ABCG4: variants seen among roughly 807,000 people sequenced by gnomAD.
ABCG4 encodes ATP binding cassette subfamily G member 4.
Under a neutral mutation model 64.6 loss-of-function variants are expected in ABCG4, and 35 were observed. The ratio of observed to expected loss-of-function variants is 0.54; its 90% CI spans 0.41 to 0.72. ABCG4 has a LOEUF of 0.72. Among genes scored for constraint, ABCG4 ranks in the 30% least tolerant of loss-of-function variants. The pLI is 0.00. For missense variants in ABCG4, 610 were observed against 846.3 expected, an observed-to-expected ratio of 0.72 and a Z score of 3.46; for synonymous variants, 326 against 348.2, an observed-to-expected ratio of 0.94 and a Z score of 0.71.
In ABCG4 at chr11:119,161,333, C is replaced by T. The variant is rs566503675; in HGVS notation, c.*227C>T. 2.4e-4 allele frequency: 126 copies of T among 525,098 alleles called. No individual in the cohort carries two copies. Among genetic ancestry groups the T allele is most frequent in the Non-Finnish European group, 3.1e-4 (90 of 292,360 alleles). The allele number at this position is 525,098 out of a possible 1,614,324, so 32.5% of individuals were successfully genotyped here. On this transcript the variant is annotated 3_prime_UTR_variant, in exon 15 of 15. Transcript: ENST00000619701. ...GCCCAGGAGTCTTCCCAAGTTGATG[C>T]GGTTTGTAGCTTCCTCCCTACTCTC... is the stretch of plus-strand genomic sequence containing the variant.
At position 119,154,583 on chromosome 11, in the gene ABCG4, G is replaced by A. The variant is rs376876815; in HGVS notation, c.540+8G>A. On this transcript the variant is annotated splice_region_variant and intron_variant, in intron 5 of 14. Coordinates refer to ENST00000619701, the MANE Select transcript of ABCG4 (RefSeq NM_022169.5). This position sits in a 1 kb window ranked among gnomAD's most constrained non-coding sequence, Gnocchi z 7.0. The stretch of plus-strand genomic sequence containing the variant: ...GAGGTGAAGAAGGAGCTGGTGAGTG[G>A]GGAAGGGAGGCAGTGGGACCACTCC... 2.3e-4 allele frequency: 367 copies of A among 1,612,548 alleles called. No homozygotes were observed. In the African/African-American group the frequency reaches 2.7e-3, roughly 12 times the overall value.
rs764939696 is a variant in ABCG4, at chr11:119,158,020, A to G, written c.1069-214A>G. Among the ~76,000 whole-genome samples, 11 of 152,162 alleles carry G rather than the reference A, an allele frequency of 7.2e-5. No individual in the cohort carries two copies. Among genetic ancestry groups the G allele is most frequent in the Non-Finnish European group, 1.3e-4 (9 of 68,040 alleles). ...ACTTTCTTTCCATCTCCTCCCTCCCAAGTTTTTGCCCCCTTTTTGTGTCTG... is the reference window on the plus strand; with the variant it reads ...ACTTTCTTTCCATCTCCTCCCTCCCGAGTTTTTGCCCCCTTTTTGTGTCTG... On this transcript the variant is annotated intron_variant, in intron 9 of 14. Transcript: ENST00000619701. This position sits in a 1 kb window ranked among gnomAD's most constrained non-coding sequence, Gnocchi z 4.5.
rs772545844 is a variant in ABCG4 at position 119,160,221 on chromosome 11, C to T, written c.1438-6C>T. The T allele has an allele frequency of 6.2e-7, 1 of 1,605,964 alleles. No homozygotes were observed. Among genetic ancestry groups the T allele is most frequent in the East Asian group, 2.2e-5 (1 of 44,612 alleles). ...GTCCACTGTCCAGCCCGTGCCCACT[C>T]CCCAGGTGGTGTGTCCGGTGGTCTA... On this transcript the variant is annotated splice_polypyrimidine_tract_variant and splice_region_variant and intron_variant, in intron 12 of 14. Coordinates refer to ENST00000619701, the MANE Select transcript of ABCG4 (RefSeq NM_022169.5). The surrounding 1 kb of genome is among the most constrained non-coding windows in gnomAD (Gnocchi z 4.6).
rs963126130 is a variant in ABCG4 at position 119,149,881 on chromosome 11, G to A, written c.-12-73G>A. ...GAGGTGGGCAGTGGGGGCGGGGGAA[G>A]CATTAGAACGCCAGGGAGCTTTGAG... On this transcript the variant is annotated intron_variant, in intron 1 of 14. Coordinates refer to ENST00000619701, the MANE Select transcript of ABCG4 (RefSeq NM_022169.5). This position sits in a 1 kb window ranked among gnomAD's most constrained non-coding sequence, Gnocchi z 8.3. 1 of 1,515,496 alleles carries A rather than the reference G, an allele frequency of 6.6e-7. No individual in the cohort carries two copies. The highest frequency in any genetic ancestry group is 1.2e-5 in the South Asian group (1 of 80,310). 93.9% of individuals were successfully genotyped at this position (1,515,496 alleles called of 1,614,324 possible).
At chr11:119,153,123 G>A (rs1948213694) in intron 2 of ABCG4, 1 of 152,404 alleles carries the variant, frequency 6.6e-6, no homozygotes, top group South Asian at 2.1e-4. Context: ...CAAGCACTGT[G>A]TCATGTGTTT....
Position 119,154,953 on chromosome 11 carries a change from T to G in ABCG4, c.686+38T>G, listed in dbSNP as rs761161684. ...ACCCTTTCCCACCAGGATACCCCTC[T>G]CCTCTCGGCCCTGAGCCAGGGCTGG... On this transcript the variant is annotated intron_variant, in intron 6 of 14. Coordinates refer to ENST00000619701, the MANE Select transcript of ABCG4 (RefSeq NM_022169.5). This position sits in a 1 kb window ranked among gnomAD's most constrained non-coding sequence, Gnocchi z 7.0. The G allele has an allele frequency of 6.4e-5, 101 of 1,579,562 alleles. No individual in the cohort carries two copies. The highest frequency in any genetic ancestry group is 5.7e-5 in the Non-Finnish European group (66 of 1,156,418).
In ABCG4 at chr11:119,161,080, C is replaced by T. The variant is rs779702795; in HGVS notation, c.1915C>T (p.Arg639Cys). ...ALRLLAYLVL[R>C]YRVKSER Reference sequence around the variant, plus strand: ...GCGGCTGCTGGCCTACCTTGTGCTGCGTTACCGGGTCAAGTCAGAGAGATA... The same window carrying T: ...GCGGCTGCTGGCCTACCTTGTGCTGTGTTACCGGGTCAAGTCAGAGAGATA... Residue 639 changes from arginine (R) to cysteine (C), a missense_variant, in exon 15 of 15, where the codon CGT (arginine) becomes TGT (cysteine). Coordinates refer to ENST00000619701, the MANE Select transcript of ABCG4 (RefSeq NM_022169.5). 1.1e-5 allele frequency: 18 copies of T among 1,613,646 alleles called. No homozygotes were observed. Among genetic ancestry groups the T allele is most frequent in the Admixed American group, 6.7e-5 (4 of 59,982 alleles).
At chr11:119,162,664 A>G (rs1948370276), downstream of ABCG4, 1 of 152,266 alleles carries the variant, frequency 6.6e-6, no homozygotes, top group Non-Finnish European at 1.5e-5. Flanking sequence ...TGCAATGTGT[A>G]AATGTGTGTG....
rs1161114369 is a variant in ABCG4 at position 119,156,469 on chromosome 11, C to T, written c.810+17C>T. 1 of 1,614,032 alleles carries T rather than the reference C, an allele frequency of 6.2e-7. No homozygotes were observed. The highest frequency in any genetic ancestry group is 1.3e-5 in the African/African-American group (1 of 74,918). On this transcript the variant is annotated intron_variant, in intron 7 of 14. Transcript: ENST00000619701. This position sits in a 1 kb window ranked among gnomAD's most constrained non-coding sequence, Gnocchi z 5.5. ...TTTGACAAGGTGAGTGTCTCCAGGC[C>T]TCAAGGAGGATTGGCCTGAGATGGA... is the stretch of plus-strand genomic sequence containing the variant.
At position 119,158,800 on chromosome 11, in the gene ABCG4, G is replaced by A. The variant is rs371789384; in HGVS notation, c.1337-29G>A. 107 of 1,614,088 alleles carry A rather than the reference G, an allele frequency of 6.6e-5. No homozygotes were observed. The highest frequency in any genetic ancestry group is 1.7e-4 in the Middle Eastern group (1 of 6,060). ...TGGGGCAGGGGCCAGGGTGTCGGCC[G>A]GGTGTGCCTAAGCAGCCTGTGTCCT... On this transcript the variant is annotated intron_variant, in intron 11 of 14. Transcript: ENST00000619701. This position sits in a 1 kb window ranked among gnomAD's most constrained non-coding sequence, Gnocchi z 4.5.
rs751328446 is a variant in ABCG4, at chr11:119,154,779, A to C, written c.550A>C (p.Ile184Leu). ...QEVKKELVTE[I>L]LTALGLMSCS... Reference sequence around the variant, plus strand: ...GGTGGGGTGGGGCCAGGTGACAGAGATCCTGACGGCACTGGGCCTGATGTC... The same window carrying C: ...GGTGGGGTGGGGCCAGGTGACAGAGCTCCTGACGGCACTGGGCCTGATGTC... The change falls in exon 6 of 15, where the codon ATC becomes CTC. Residue 184 changes from isoleucine (I) to leucine (L), a missense_variant. By Grantham distance (5) the Ile-to-Leu change is conservative (BLOSUM62 2). Transcript: ENST00000619701. The surrounding 1 kb of genome is among the most constrained non-coding windows in gnomAD (Gnocchi z 7.0). The C allele has an allele frequency of 6.2e-7, 1 of 1,610,768 alleles. No individual in the cohort carries two copies. The highest frequency in any genetic ancestry group is 1.1e-5 in the South Asian group (1 of 90,962).
chr11:119,160,429 C>A lies in ABCG4; in HGVS notation c.1596+44C>A, dbSNP rs958811577. 3 of 1,604,418 alleles carry A rather than the reference C, an allele frequency of 1.9e-6. No homozygotes were observed. Among genetic ancestry groups the A allele is most frequent in the Non-Finnish European group, 2.6e-6 (3 of 1,173,136 alleles). On this transcript the variant is annotated intron_variant, in intron 13 of 14. Transcript: ENST00000619701. The surrounding 1 kb of genome is among the most constrained non-coding windows in gnomAD (Gnocchi z 4.6). ...GGGAATTCCCAAGGCGGGATGAGGT[C>A]TTGTGGGAGGAAGCAGGGCCTGGTG...
rs1009882453 is a variant in ABCG4 at position 119,150,904 on chromosome 11, C to T, written c.238+701C>T. ...CTGACTAGCCCCTGCAGCCCCTACC[C>T]TGAGCAGCTTTAGCTGCTAGTAGGG... On this transcript the variant is annotated intron_variant, in intron 2 of 14. Transcript: ENST00000619701. The surrounding 1 kb of genome is among the most constrained non-coding windows in gnomAD (Gnocchi z 4.3). Among the ~76,000 whole-genome samples the T allele has an allele frequency of 1.3e-5, 2 of 152,270 alleles. No homozygotes were observed. The highest frequency in any genetic ancestry group is 4.8e-5 in the African/African-American group (2 of 41,474).
At position 119,160,271 on chromosome 11, in the gene ABCG4, G is replaced by C; in HGVS notation, c.1482G>C (p.Thr494=). The C allele has an allele frequency of 1.9e-6, 3 of 1,613,618 alleles. No homozygotes were observed. In the African/African-American group the frequency reaches 4.0e-5, roughly 22 times the overall value. ...ACTGCAGCATTGTGTACTGGATGAC[G>C]GGCCAGCCCGCTGAGACCAGCCGCT... The part of the protein sequence containing the change: ...VVYCSIVYWM[T]GQPAETSRFL... Residue 494 remains threonine (T), a synonymous_variant, in exon 13 of 15, where the codon ACG becomes ACC. Coordinates refer to ENST00000619701, the MANE Select transcript of ABCG4 (RefSeq NM_022169.5). The surrounding 1 kb of genome is among the most constrained non-coding windows in gnomAD (Gnocchi z 4.6).
chr11:119,149,681 C>T lies in ABCG4; in HGVS notation c.-12-273C>T, dbSNP rs1024950114. On this transcript the variant is annotated intron_variant, in intron 1 of 14. Transcript: ENST00000619701. This position sits in a 1 kb window ranked among gnomAD's most constrained non-coding sequence, Gnocchi z 8.3. ...TCCTTCAGTCCCCAGGGGCTGCTGG[C>T]CTGCGGGGTAAGGAGATTAGAGAAG... 1.0e-5 allele frequency: 5 copies of T among 501,068 alleles called. No individual in the cohort carries two copies. The highest frequency in any genetic ancestry group is 3.3e-5 in the Admixed American group (1 of 30,524). The allele number at this position is 501,068 out of a possible 1,614,324, so 31.0% of individuals were successfully genotyped here. A position where few individuals can be genotyped will look rare whatever the true frequency, so the allele number is the denominator to read the frequency against.
Position 119,161,149 on chromosome 11 carries a change from C to T in ABCG4, c.*43C>T. 1 of 1,574,736 alleles carries T rather than the reference C, an allele frequency of 6.4e-7. No homozygotes were observed. Among genetic ancestry groups the T allele is most frequent in the Non-Finnish European group, 8.7e-7 (1 of 1,152,708 alleles). The stretch of plus-strand genomic sequence containing the variant: ...TACCCCAGCCCCTGCAGCAGGAAGC[C>T]CCCAGTCCCAGCCCTTTGGGACTGT... On this transcript the variant is annotated 3_prime_UTR_variant, in exon 15 of 15. Coordinates refer to ENST00000619701, the MANE Select transcript of ABCG4 (RefSeq NM_022169.5).
rs1948178001 is a variant in ABCG4, at chr11:119,150,243, C to T, written c.238+40C>T. 2 of 1,594,076 alleles carry T rather than the reference C, an allele frequency of 1.3e-6. No individual in the cohort carries two copies. Among genetic ancestry groups the T allele is most frequent in the African/African-American group, 1.3e-5 (1 of 74,698 alleles). ...GGTAGGGGGAGTCCGTGGGCCCTCT[C>T]TGAGTTGCCTCTCCAGAAGCATGAG... is the stretch of plus-strand genomic sequence containing the variant. On this transcript the variant is annotated intron_variant, in intron 2 of 14. Transcript: ENST00000619701. The surrounding 1 kb of genome is among the most constrained non-coding windows in gnomAD (Gnocchi z 4.3).
rs1173969828 is a variant in ABCG4 at position 119,149,829 on chromosome 11, T to C, written c.-12-125T>C. The C allele has an allele frequency of 7.2e-7, 1 of 1,389,580 alleles. No homozygotes were observed. Among genetic ancestry groups the C allele is most frequent in the Non-Finnish European group, 9.5e-7 (1 of 1,050,244 alleles). The allele number at this position is 1,389,580 out of a possible 1,614,324, so 86.1% of individuals were successfully genotyped here. A position where few individuals can be genotyped will look rare whatever the true frequency, so the allele number is the denominator to read the frequency against. ...GGGGGGCGGGGGCAGAGTGCGGGGCTAACAGTCGCGGATCTGCCCCGAGAA... is the reference window on the plus strand; with the variant it reads ...GGGGGGCGGGGGCAGAGTGCGGGGCCAACAGTCGCGGATCTGCCCCGAGAA... On this transcript the variant is annotated intron_variant, in intron 1 of 14. Transcript: ENST00000619701. The surrounding 1 kb of genome is among the most constrained non-coding windows in gnomAD (Gnocchi z 8.3).
rs1369370780 is a variant in ABCG4 at position 119,149,295 on chromosome 11, G to C, written c.-81G>C. 1.3e-5 allele frequency: 2 copies of C among 151,698 alleles called. No homozygotes were observed. Among genetic ancestry groups the C allele is most frequent in the African/African-American group, 4.8e-5 (2 of 41,334 alleles). The allele number at this position is 151,698 out of a possible 1,614,324, so 9.4% of individuals were successfully genotyped here. On this transcript the variant is annotated 5_prime_UTR_variant, in exon 1 of 15. Coordinates refer to ENST00000619701, the MANE Select transcript of ABCG4 (RefSeq NM_022169.5). The surrounding 1 kb of genome is among the most constrained non-coding windows in gnomAD (Gnocchi z 8.3). ...GCCCGAGGCAGGTAAGGGGAGCCCCGGCTCTCCGTCCCCGGTCCGTGGCAG... is the reference window on the plus strand; with the variant it reads ...GCCCGAGGCAGGTAAGGGGAGCCCCCGCTCTCCGTCCCCGGTCCGTGGCAG...
Sources: allele counts gnomAD v4.1 joint callset (sites outside exome capture counted in the v4.1 genomes callset), GRCh38; gene constraint gnomAD v4.1.1; non-coding constraint Gnocchi (gnomAD v3.1); transcripts MANE v1.5; gene names NCBI Gene and HGNC (gene_info 2026-07-23, HGNC 2026-07-21).